The following KIF26B variants were observed in gnomAD, a reference collection of about 807,000 sequenced individuals.
KIF26B encodes kinesin family member 26B.
In KIF26B, 63 loss-of-function variants were observed where a neutral mutation model predicts 151.2. The observed-to-expected ratio is 0.42, with a 90% CI of 0.34 to 0.51. KIF26B has a LOEUF of 0.51. KIF26B is among the 20% of genes least tolerant of loss of function. The pLI is 0.07. For synonymous variants in KIF26B, 1,357 were observed against 1,262.1 expected (o/e 1.08, Z -1.59); for missense variants, 2,813 against 2,913.6 (o/e 0.97, Z 0.79).
At chr1:245,618,774 A>G (rs1378760527) in intron 9 of KIF26B, among the ~76,000 whole-genome samples, 1 of 145,476 alleles carries the variant, frequency 6.9e-6, no homozygotes. Context: ...GTTCCTTGAG[A>G]CAGACTGCCA....
At chr1:245,637,772 G>C (rs1218450140) in intron 9 of KIF26B, among the ~76,000 whole-genome samples, 2 of 151,968 alleles carry the variant, frequency 1.3e-5, no homozygotes, top group East Asian at 1.9e-4. Flanking sequence ...TTTCCCCAAT[G>C]TATGTTATTG....
intron 2 of KIF26B, among the ~76,000 whole-genome samples, chr1:245,361,650 C>G (rs973635773): frequency 2.0e-5 from 3 of 152,134 alleles, no homozygotes; most frequent in South Asian, 2.1e-4. Context: ...GGCGATCAAG[C>G]AGGGGTGCAG....
At chr1:245,649,637 G>T (rs933624207) in intron 10 of KIF26B, among the ~76,000 whole-genome samples, 1 of 152,000 alleles carries the variant, frequency 6.6e-6, no homozygotes, top group Non-Finnish European at 1.5e-5. Flanking sequence ...GTGGCGGGGG[G>T]AACAAAAATA....
At chr1:245,418,821 A>G (rs532445175) in intron 3 of KIF26B, among the ~76,000 whole-genome samples, 1 of 152,338 alleles carries the variant, frequency 6.6e-6, no homozygotes, top group South Asian at 2.1e-4. Flanking sequence ...ATTTCTACAC[A>G]ACATCCTTGT....
intron 4 of KIF26B, among the ~76,000 whole-genome samples, chr1:245,515,734 C>A (rs1346808012): frequency 6.6e-6 from 1 of 152,176 alleles, no homozygotes; most frequent in Non-Finnish European, 1.5e-5. Flanking sequence ...TTTATGTGGG[C>A]TAGAACCTCT....
At chr1:245,162,904 T>C (rs1360383098) in intron 2 of KIF26B, among the ~76,000 whole-genome samples, 1 of 152,222 alleles carries the variant, frequency 6.6e-6, no homozygotes, top group Non-Finnish European at 1.5e-5. Context: ...TTTCTTCTAG[T>C]ATTTAAATAG....
intron 2 of KIF26B, among the ~76,000 whole-genome samples, chr1:245,311,169 C>T (rs1558384445): frequency 6.6e-6 from 1 of 152,100 alleles, no homozygotes; most frequent in South Asian, 2.1e-4. Context: ...GTTTTTCTCA[C>T]CGCCTGATTG....
At position 245,560,300 on chromosome 1, in the gene KIF26B, C is replaced by A. The variant is rs1436834915; in HGVS notation, c.1350+19350C>A. ...GAAGGAGACCCAGATACCCTCCAGA[C>A]ATAGGTCCGGCCTCTCAGGAGTTTT... On this transcript the variant is annotated intron_variant, in intron 5 of 14. Transcript: ENST00000407071. This position sits in a 1 kb window ranked among gnomAD's most constrained non-coding sequence, Gnocchi z 4.3. Among the ~76,000 whole-genome samples the A allele has an allele frequency of 1.3e-5, 2 of 152,176 alleles. No individual in the cohort carries two copies. The highest frequency in any genetic ancestry group is 2.9e-5 in the Non-Finnish European group (2 of 68,012).
rs182032807 is a variant in KIF26B, at chr1:245,401,644, G to A, written c.1000-17935G>A. ...AGCAGTTTGGGAGGCCGAGGCGGGC[G>A]GATTGCTTGAGGTCAGGAGTTCGAG... is the stretch of plus-strand genomic sequence containing the variant. On this transcript the variant is annotated intron_variant, in intron 3 of 14. Coordinates refer to ENST00000407071, the MANE Select transcript of KIF26B (RefSeq NM_018012.4). Among the ~76,000 whole-genome samples the A allele has an allele frequency of 1.4e-4, 21 of 152,278 alleles. No homozygotes were observed. In the East Asian group the frequency reaches 3.3e-3, roughly 24 times the overall value.
chr1:245,518,239 C>A (rs1227592932), intron 4 of KIF26B, among the ~76,000 whole-genome samples: 1 of 152,086 alleles, frequency 6.6e-6, no homozygotes, highest in African/African-American at 2.4e-5. Flanking sequence ...TCAAAACAGG[C>A]AATGATTAGT....
intron 5 of KIF26B, among the ~76,000 whole-genome samples, chr1:245,569,419 G>A (rs561525389): frequency 6.6e-6 from 1 of 152,120 alleles, no homozygotes; most frequent in Admixed American, 6.6e-5. Context: ...ACAAGCCTGG[G>A]CAACATGGCA....
chr1:245,596,703 T>C (rs541223611), intron 5 of KIF26B, among the ~76,000 whole-genome samples: 4 of 152,334 alleles, frequency 2.6e-5, no homozygotes, highest in Non-Finnish European at 5.9e-5. Flanking sequence ...ATTAATTTTC[T>C]GTCTCGTTGC....
intron 4 of KIF26B, among the ~76,000 whole-genome samples, chr1:245,505,973 A>G (rs778096217): frequency 6.6e-6 from 1 of 152,212 alleles, no homozygotes; most frequent in Non-Finnish European, 1.5e-5. Flanking sequence ...TAATTTGGGT[A>G]TGATTCGTTT....
Position 245,471,199 on chromosome 1 carries a change from C to T in KIF26B, c.1166+51454C>T, listed in dbSNP as rs143698572. 8.1e-4 allele frequency among the ~76,000 whole-genome samples: 123 copies of T among 152,106 alleles called. 1 individual carries two copies. In the East Asian group the frequency reaches 0.021, roughly 25 times the overall value. ...AGACTGGAGTACAGTGGCACCATCT[C>T]GGCTCACTGCAACCTCCACCTCCCA... is the stretch of plus-strand genomic sequence containing the variant. On this transcript the variant is annotated intron_variant, in intron 4 of 14. Transcript: ENST00000407071.
In KIF26B at chr1:245,702,441, C is replaced by A; in HGVS notation, c.6179-17C>A. On this transcript the variant is annotated splice_polypyrimidine_tract_variant and intron_variant, in intron 14 of 14. Coordinates refer to ENST00000407071, the MANE Select transcript of KIF26B (RefSeq NM_018012.4). This position sits in a 1 kb window ranked among gnomAD's most constrained non-coding sequence, Gnocchi z 4.1. ...CTGTTTGCTCTGCGTCTCCATCAGGCTCTTCCTCTCTTGCAGTTGACTTGG... is the reference window on the plus strand; with the variant it reads ...CTGTTTGCTCTGCGTCTCCATCAGGATCTTCCTCTCTTGCAGTTGACTTGG... 1 of 1,613,534 alleles carries A rather than the reference C, an allele frequency of 6.2e-7. No individual in the cohort carries two copies. Among genetic ancestry groups the A allele is most frequent in the Non-Finnish European group, 8.5e-7 (1 of 1,179,636 alleles).
At chr1:245,415,089 G>A (rs1392075804) in intron 3 of KIF26B, among the ~76,000 whole-genome samples, 2 of 152,178 alleles carry the variant, frequency 1.3e-5, no homozygotes, top group African/African-American at 4.8e-5. Context: ...ACTTAATGTT[G>A]TTTCCAATGT....
chr1:245,443,047 A>AGAG (rs745871897), intron 4 of KIF26B, among the ~76,000 whole-genome samples: 35 of 80,080 alleles, frequency 4.4e-4, no homozygotes, highest in East Asian at 9.3e-4. Context: ...CTGTTCACCT[A>AGAG]GAGTGGTCAT....
intron 4 of KIF26B, among the ~76,000 whole-genome samples, chr1:245,427,348 C>G (rs1257680663): frequency 6.6e-6 from 1 of 152,236 alleles, no homozygotes; most frequent in Admixed American, 6.5e-5. Context: ...TGGCTCACAC[C>G]TGTAATCCCA....
intron 4 of KIF26B, among the ~76,000 whole-genome samples, chr1:245,457,885 A>C (rs1185429472): frequency 1.3e-5 from 2 of 152,212 alleles, no homozygotes; most frequent in Admixed American, 1.3e-4. Context: ...TTTTGCACAC[A>C]GATAAGTTTC....
Sources: allele counts gnomAD v4.1 joint callset (sites outside exome capture counted in the v4.1 genomes callset), GRCh38; gene constraint gnomAD v4.1.1; non-coding constraint Gnocchi (gnomAD v3.1); transcripts MANE v1.5; gene names NCBI Gene and HGNC (gene_info 2026-07-23, HGNC 2026-07-21).